Variants in PCDH11X observed in about 807,000 individuals in gnomAD.
PCDH11X encodes protocadherin-11 X-linked.
Under a neutral mutation model 53.3 loss-of-function variants are expected in PCDH11X, and 18 were observed. The ratio of observed to expected loss-of-function variants is 0.34; its 90% confidence interval spans 0.23 to 0.50. PCDH11X has a LOEUF of 0.50. PCDH11X is among the 20% of genes least tolerant of loss of function. PCDH11X has a pLI of 0.98. For missense variants in PCDH11X, 570 were observed against 1,032.4 expected, an observed-to-expected ratio of 0.55 and a Z score of 6.14; for synonymous variants, 279 against 393.3, an observed-to-expected ratio of 0.71 and a Z score of 3.44.
intron 6 of PCDH11X, among the ~76,000 whole-genome samples, chrX:92,031,227 A>T (rs760460342): frequency 2.9e-4 from 32 of 110,283 alleles, no homozygotes; most frequent in Non-Finnish European, 5.7e-4. Flanking sequence ...CATTTGTCTA[A>T]CAATCAACGT....
intron 8 of PCDH11X, among the ~76,000 whole-genome samples, chrX:92,355,495 A>G (rs770703535): frequency 9.5e-6 from 1 of 105,576 alleles, no homozygotes; most frequent in African/African-American, 3.5e-5. Flanking sequence ...ACGCAAAACC[A>G]AAACAAAACT....
At chrX:91,883,610 C>G (rs1310366362) in intron 6 of PCDH11X, 1 of 593,334 alleles carries the variant, frequency 1.7e-6, no homozygotes, top group Non-Finnish European at 2.0e-6. Context: ...TTGAGACCAT[C>G]CTGGCTAACA....
At chrX:92,243,410 G>C (rs913255356) in intron 7 of PCDH11X, among the ~76,000 whole-genome samples, 1 of 110,150 alleles carries the variant, frequency 9.1e-6, no homozygotes, top group Admixed American at 9.8e-5. Context: ...AAATCGATCA[G>C]ACATTTGTGA....
intron 10 of PCDH11X, among the ~76,000 whole-genome samples, chrX:92,484,113 TATATA>T (rs1380067093): frequency 5.3e-5 from 4 of 75,216 alleles, no homozygotes; most frequent in East Asian, 7.7e-4. Context: ...TGTGTGTATA[TATATA>T]GTATATATAT....
chrX:91,818,435 C>T (rs6652612), intron 4 of PCDH11X, among the ~76,000 whole-genome samples: 1 of 110,017 alleles, frequency 9.1e-6, no homozygotes, highest in Non-Finnish European at 1.9e-5. Flanking sequence ...CACGATGGCT[C>T]ACGCCTGTAA....
At chrX:91,945,070 C>T (rs1469383492) in intron 6 of PCDH11X, among the ~76,000 whole-genome samples, 17 of 70,658 alleles carry the variant, frequency 2.4e-4, no homozygotes, top group South Asian at 7.3e-4. Flanking sequence ...TATATATATT[C>T]TTAAATGTCA....
intron 6 of PCDH11X, among the ~76,000 whole-genome samples, chrX:92,043,520 G>A (rs1034428944): frequency 1.0e-5 from 1 of 96,958 alleles, no homozygotes; most frequent in Admixed American, 1.2e-4. Flanking sequence ...TTTCATCAAA[G>A]TACTAAATGA....
At chrX:92,582,735 A>G (rs1434983672) in intron 10 of PCDH11X, among the ~76,000 whole-genome samples, 1 of 111,091 alleles carries the variant, frequency 9.0e-6, no homozygotes, top group African/African-American at 3.3e-5. Flanking sequence ...ATGCACCTGG[A>G]AAGCCACAGA....
intron 8 of PCDH11X, among the ~76,000 whole-genome samples, chrX:92,342,405 T>C (rs1307005267): frequency 1.8e-5 from 2 of 111,466 alleles, no homozygotes; most frequent in Non-Finnish European, 3.8e-5. Context: ...TGCACTCATA[T>C]GTTCATTGCA....
intron 6 of PCDH11X, among the ~76,000 whole-genome samples, chrX:91,964,301 A>T (rs2061834571): frequency 9.1e-6 from 1 of 110,164 alleles, no homozygotes; most frequent in Non-Finnish European, 1.9e-5. Context: ...GAAATATAAA[A>T]AAGAATTCTA....
chrX:92,461,173 C>T (rs1018568778), intron 9 of PCDH11X, among the ~76,000 whole-genome samples: 11 of 109,776 alleles, frequency 1.0e-4, no homozygotes, highest in African/African-American at 3.3e-4. Context: ...TATCAAAACA[C>T]CGATGACATT....
intron 9 of PCDH11X, among the ~76,000 whole-genome samples, chrX:92,417,004 C>A (rs765289559): frequency 2.7e-5 from 3 of 109,909 alleles, no homozygotes; most frequent in African/African-American, 9.9e-5. Flanking sequence ...GTAAATATAC[C>A]TCATTGATTT....
intron 6 of PCDH11X, among the ~76,000 whole-genome samples, chrX:91,892,103 G>A (rs1054559302): frequency 1.9e-5 from 2 of 106,317 alleles, no homozygotes; most frequent in African/African-American, 6.9e-5. Context: ...TATTGGGTAT[G>A]GGCATGCATG....
In PCDH11X at chrX:92,475,026, G is replaced by A. The variant is rs1427464988; in HGVS notation, c.3367+6704G>A. Among the ~76,000 whole-genome samples, 5 of 102,583 alleles carry A rather than the reference G, an allele frequency of 4.9e-5. No individual in the cohort carries two copies. In the East Asian group the frequency reaches 1.3e-3, roughly 26 times the overall value. 89.1% of individuals were successfully genotyped at this position (102,583 alleles called of 115,157 possible). Reference sequence around the variant, plus strand: ...TAAAAATACAAAAAATTAGCCGGGCGTAGTGGCGGGCGCCTGTAGTCCCAG... The same window carrying A: ...TAAAAATACAAAAAATTAGCCGGGCATAGTGGCGGGCGCCTGTAGTCCCAG... On this transcript the variant is annotated intron_variant, in intron 10 of 10. Coordinates refer to ENST00000682573, the MANE Select transcript of PCDH11X (RefSeq NM_032968.5).
intron 10 of PCDH11X, among the ~76,000 whole-genome samples, chrX:92,503,308 G>A (rs2073993928): frequency 1.0e-5 from 1 of 100,462 alleles, no homozygotes; most frequent in Non-Finnish European, 2.0e-5. Context: ...CACTGTGGAA[G>A]TCAATGTGAC....
At chrX:92,269,604 T>C (rs930785646) in intron 8 of PCDH11X, among the ~76,000 whole-genome samples, 5 of 111,683 alleles carry the variant, frequency 4.5e-5, no homozygotes, top group African/African-American at 1.6e-4. Flanking sequence ...CTTTCTAGCC[T>C]CTCATTTATT....
intron 6 of PCDH11X, among the ~76,000 whole-genome samples, chrX:92,127,845 C>G (rs1016284536): frequency 2.7e-5 from 3 of 111,183 alleles, no homozygotes; most frequent in Non-Finnish European, 5.6e-5. Flanking sequence ...TTCTAAGAGT[C>G]ACATAACTCT....
rs568356199 is a variant in PCDH11X, at chrX:92,037,837, T to A, written c.3033+158564T>A. ...TGTGTATGTTTGTTGGCCACATAAA[T>A]GTCTTCTTCTGAGAAGTGTCTGTTC... On this transcript the variant is annotated intron_variant, in intron 6 of 10. Coordinates refer to ENST00000682573, the MANE Select transcript of PCDH11X (RefSeq NM_032968.5). Among the ~76,000 whole-genome samples the A allele has an allele frequency of 1.8e-4, 20 of 110,700 alleles. 1 individual carries two copies. In the South Asian group the frequency reaches 7.8e-3, roughly 43 times the overall value.
At chrX:92,585,376 T>TC (rs1924260435) in intron 10 of PCDH11X, among the ~76,000 whole-genome samples, 1 of 104,691 alleles carries the variant, frequency 9.6e-6, no homozygotes, top group African/African-American at 3.5e-5. Context: ...TCTTTTTCTT[T>TC]TTTTTTTTTT....
Sources: gnomAD v4.1 joint callset for allele counts (sites outside exome capture counted in the v4.1 genomes callset) on GRCh38, gnomAD v4.1.1 for gene constraint, MANE v1.5 for transcripts, NCBI Gene and HGNC (gene_info 2026-07-23, HGNC 2026-07-21) for gene names.